Variants in HORMAD1 observed in about 807,000 individuals in gnomAD.
HORMAD1 encodes HORMA domain containing 1, also known as HORMA domain-containing protein 1.
Under a neutral mutation model 58.2 loss-of-function variants are expected in HORMAD1, and 33 were observed. The observed-to-expected ratio is 0.57, with a 90% CI of 0.43 to 0.76. The LOEUF is 0.76. Among genes scored for constraint, HORMAD1 ranks in the 30% least tolerant of loss-of-function variants. The pLI is 0.00. For synonymous variants in HORMAD1, 137 were observed against 144.6 expected (o/e 0.95, Z 0.38); for missense variants, 363 against 462.0 (o/e 0.79, Z 1.96).
chr1:150,698,431 C>A lies in HORMAD1; in HGVS notation c.*223G>T, dbSNP rs587707973. ...ATCAATTTTGAAATTTTACTTATTA[C>A]CGAATCAATTATGACATTTGTACTT... is the stretch of plus-strand genomic sequence containing the variant. On this transcript the variant is annotated 3_prime_UTR_variant, in exon 15 of 15. Coordinates refer to ENST00000361824, the MANE Select transcript of HORMAD1 (RefSeq NM_032132.5). 7 of 314,156 alleles carry A rather than the reference C, an allele frequency of 2.2e-5. No homozygotes were observed. The South Asian group carries it at 8.3e-4, about 37-fold the overall frequency. The allele number at this position is 314,156 out of a possible 1,614,324, so 19.5% of individuals were successfully genotyped here.
intron 1 of HORMAD1, 44 bp from the exon 2 acceptor site, chr1:150,719,582 C>A: frequency 2.1e-6 from 2 of 951,694 alleles, no homozygotes; most frequent in South Asian, 1.7e-5. Context: ...TCATTTTTTT[C>A]CTCTAACATT....
chr1:150,711,767 C>A, intron 6 of HORMAD1, 66 bp downstream of exon 6: 2 of 1,103,828 alleles, frequency 1.8e-6, no homozygotes, highest in South Asian at 2.6e-5. Flanking sequence ...GTTTTAGTGT[C>A]ATTTAATTAA....
At chr1:150,716,648 CA>C (rs1486590320) in intron 3 of HORMAD1, among the ~76,000 whole-genome samples, 2 of 151,340 alleles carry the variant, frequency 1.3e-5, no homozygotes, top group African/African-American at 4.9e-5. Context: ...GATGGTTGTA[CA>C]AATCTGTTAA....
At chr1:150,707,807 G>T (rs1651742381) in intron 9 of HORMAD1, among the ~76,000 whole-genome samples, 1 of 152,152 alleles carries the variant, frequency 6.6e-6, no homozygotes, top group African/African-American at 2.4e-5. Context: ...ATGGTGGCGA[G>T]TGCCTGTAGT....
intron 13 of HORMAD1, among the ~76,000 whole-genome samples, chr1:150,701,512 G>T (rs1054280166): frequency 2.0e-5 from 3 of 152,182 alleles, no homozygotes; most frequent in African/African-American, 4.8e-5. Flanking sequence ...TTTCTGTGCT[G>T]TGAATACTAC....
intron 10 of HORMAD1, among the ~76,000 whole-genome samples, chr1:150,704,612 G>A (rs1039864849): frequency 6.6e-6 from 1 of 152,216 alleles, no homozygotes; most frequent in East Asian, 1.9e-4. Context: ...GCCAGGTGTG[G>A]TGGCATGTTT....
At chr1:150,710,680 T>C (rs16840074) in intron 7 of HORMAD1, among the ~76,000 whole-genome samples, 11,289 of 152,238 alleles carry the variant, frequency 0.074, 589 homozygotes, top group East Asian at 0.18. Flanking sequence ...CAGGTGTGAG[T>C]ATCAAAGAAA....
chr1:150,710,078 G>A (rs1321846157), intron 7 of HORMAD1, among the ~76,000 whole-genome samples: 1 of 152,102 alleles, frequency 6.6e-6, no homozygotes, highest in Non-Finnish European at 1.5e-5. Flanking sequence ...GCAGGTCCTT[G>A]GTATGCTGAG....
intron 7 of HORMAD1, among the ~76,000 whole-genome samples, chr1:150,709,997 C>T (rs1238041647): frequency 6.6e-6 from 1 of 152,200 alleles, no homozygotes; most frequent in East Asian, 1.9e-4. Flanking sequence ...CCTCCTACTA[C>T]ATTCCTTTTT....
At chr1:150,700,501 T>G (rs1287350174) in intron 13 of HORMAD1, among the ~76,000 whole-genome samples, 1 of 152,192 alleles carries the variant, frequency 6.6e-6, no homozygotes, top group East Asian at 1.9e-4. Flanking sequence ...TACTATATGA[T>G]TCACCCATTT....
intron 10 of HORMAD1, 70 bp from the exon 11 acceptor site, chr1:150,704,413 T>A (rs2101850623): frequency 4.1e-6 from 4 of 978,228 alleles, no homozygotes; most frequent in Non-Finnish European, 4.6e-6. Context: ...GCAGAAAGCA[T>A]TTATGAACAA....
chr1:150,704,347 C>T lies in HORMAD1; in HGVS notation c.805-4G>A. The T allele has an allele frequency of 1.3e-6, 2 of 1,546,016 alleles. No homozygotes were observed. Among genetic ancestry groups the T allele is most frequent in the Non-Finnish European group, 1.7e-6 (2 of 1,143,374 alleles). On this transcript the variant is annotated splice_polypyrimidine_tract_variant and splice_region_variant and intron_variant, in intron 10 of 14. Transcript: ENST00000361824. Reference sequence around the variant, plus strand: ...TAGTTTCAATGTCCAAATCATCCTACATAATTATGTGAAGAAAAAAATTGA... The same window carrying T: ...TAGTTTCAATGTCCAAATCATCCTATATAATTATGTGAAGAAAAAAATTGA...
intron 7 of HORMAD1, among the ~76,000 whole-genome samples, chr1:150,709,226 A>G (rs934711779): frequency 4.6e-5 from 7 of 152,146 alleles, no homozygotes; most frequent in Non-Finnish European, 7.4e-5. Context: ...TACTGTGTCT[A>G]TGTAGAAAGG....
At chr1:150,699,154 T>C (rs11204704) in intron 14 of HORMAD1, among the ~76,000 whole-genome samples, 58,534 of 152,062 alleles carry the variant, frequency 0.38, 11,586 homozygotes, top group South Asian at 0.55. Context: ...GTTTTAAAAA[T>C]AGTCTTAGGT....
intron 2 of HORMAD1, among the ~76,000 whole-genome samples, chr1:150,718,635 C>T (rs368868762): frequency 1.3e-5 from 2 of 151,950 alleles, no homozygotes; most frequent in Middle Eastern, 3.4e-3. Flanking sequence ...CATTCATTTT[C>T]TTTCTTTTTG....
chr1:150,703,757 A>C (rs1185440099), intron 12 of HORMAD1, among the ~76,000 whole-genome samples: 1 of 152,190 alleles, frequency 6.6e-6, no homozygotes, highest in Non-Finnish European at 1.5e-5. Flanking sequence ...TTATTTCAGG[A>C]TTTTACTGTA....
intron 10 of HORMAD1, among the ~76,000 whole-genome samples, chr1:150,706,034 AC>A (rs1651681891): frequency 6.6e-6 from 1 of 152,210 alleles, no homozygotes; most frequent in Non-Finnish European, 1.5e-5. Context: ...GGACGCACTA[AC>A]TAGAAATCCA....
chr1:150,705,044 A>AAAAACAAAAC (rs779754063), intron 10 of HORMAD1, among the ~76,000 whole-genome samples: 1 of 152,102 alleles, frequency 6.6e-6, no homozygotes, highest in Non-Finnish European at 1.5e-5. Context: ...CTCTGTCTCA[A>AAAAACAAAAC]AAAACAAAAC....
Position 150,717,127 on chromosome 1 carries a change from T to G in HORMAD1, c.178+11A>C, listed in dbSNP as rs995464362. The G allele has an allele frequency of 6.7e-6, 10 of 1,482,248 alleles. No homozygotes were observed. Among genetic ancestry groups the G allele is most frequent in the Non-Finnish European group, 9.1e-6 (10 of 1,096,180 alleles). 91.8% of individuals were successfully genotyped at this position (1,482,248 alleles called of 1,614,324 possible). On this transcript the variant is annotated intron_variant, in intron 3 of 14. Transcript: ENST00000361824. ...TTTTAAAAGAAAGCTTTAAAATAAA[T>G]ATTGTATTACCATCTAGATATCTTG...
Sources: allele counts gnomAD v4.1 joint callset (sites outside exome capture counted in the v4.1 genomes callset), GRCh38; gene constraint gnomAD v4.1.1; transcripts MANE v1.5; gene names NCBI Gene and HGNC (gene_info 2026-07-23, HGNC 2026-07-21).